The following PARD3B variants were observed in gnomAD, a reference collection of about 807,000 sequenced individuals.
PARD3B encodes the protein par-3 family cell polarity regulator beta.
In PARD3B, 103 loss-of-function variants were observed where a neutral mutation model predicts 130.2. The observed-to-expected ratio is 0.79, with a 90% confidence interval of 0.67 to 0.93. PARD3B has a LOEUF of 0.93. Ranked by LOEUF, PARD3B falls within the 40% of genes least tolerant of loss-of-function variation. The pLI, the probability that PARD3B is intolerant of heterozygous loss-of-function variation, is 0.00. For synonymous variants in PARD3B, 583 were observed against 553.2 expected (o/e 1.05, Z -0.76); for missense variants, 1,609 against 1,499.2 (o/e 1.07, Z -1.21).
chr2:204,749,431 T>C (rs569643254), intron 2 of PARD3B, among the ~76,000 whole-genome samples: 2 of 152,208 alleles, frequency 1.3e-5, no homozygotes, highest in Admixed American at 1.3e-4. Flanking sequence ...ACAATATTAG[T>C]AACTCAAATA....
chr2:204,940,506 A>G (rs1419093350), intron 2 of PARD3B, among the ~76,000 whole-genome samples: 1 of 150,596 alleles, frequency 6.6e-6, no homozygotes, highest in Non-Finnish European at 1.5e-5. Context: ...TTGTTTATCT[A>G]GAAGTTCTGT....
At position 205,440,613 on chromosome 2, in the gene PARD3B, C is replaced by G; in HGVS notation, c.2985C>G (p.His995Gln). Reference sequence around the variant, plus strand: ...ATCCACTGTCTCCAGAAAGAGACCACTTAGAGGGTCTCTATGCCAAGGTCA... The same window carrying G: ...ATCCACTGTCTCCAGAAAGAGACCAGTTAGAGGGTCTCTATGCCAAGGTCA... ...DGHPLSPERD[H>Q]LEGLYAKVNK... The change falls in exon 20 of 23, where the codon CAC (histidine) becomes CAG (glutamine). Residue 995 changes from histidine (H) to glutamine (Q), a missense_variant. Coordinates refer to ENST00000406610, the MANE Select transcript of PARD3B (RefSeq NM_001302769.2). This position sits in a 1 kb window ranked among gnomAD's most constrained non-coding sequence, Gnocchi z 4.2. 1.2e-6 allele frequency: 2 copies of G among 1,613,822 alleles called. No individual in the cohort carries two copies. Among genetic ancestry groups the G allele is most frequent in the Non-Finnish European group, 1.7e-6 (2 of 1,179,818 alleles).
chr2:205,422,507 C>T (rs760522941), intron 19 of PARD3B, among the ~76,000 whole-genome samples: 4 of 152,150 alleles, frequency 2.6e-5, no homozygotes, highest in African/African-American at 9.6e-5. Context: ...AGTATGTTTC[C>T]TTACTGTGGT....
At chr2:205,570,189 C>T (rs903676215) in intron 22 of PARD3B, among the ~76,000 whole-genome samples, 8 of 152,170 alleles carry the variant, frequency 5.3e-5, no homozygotes, top group Admixed American at 1.3e-4. Context: ...TTCAAGGGAC[C>T]CTCAAATTCT....
intron 3 of PARD3B, among the ~76,000 whole-genome samples, chr2:204,990,732 T>G (rs990572968): frequency 6.6e-6 from 1 of 152,202 alleles, no homozygotes; most frequent in African/African-American, 2.4e-5. Flanking sequence ...TTGTTGATTT[T>G]AATAGAGTCA....
At chr2:205,344,427 C>A (rs2043671786) in intron 18 of PARD3B, among the ~76,000 whole-genome samples, 1 of 152,114 alleles carries the variant, frequency 6.6e-6, no homozygotes, top group African/African-American at 2.4e-5. Context: ...GAAATGACTT[C>A]TATGCTTCAG....
chr2:205,114,417 A>G (rs369090218), intron 6 of PARD3B, among the ~76,000 whole-genome samples: 2 of 152,154 alleles, frequency 1.3e-5, no homozygotes, highest in African/African-American at 4.8e-5. Flanking sequence ...GTTTTTCACT[A>G]ACATGACATG....
intron 18 of PARD3B, among the ~76,000 whole-genome samples, chr2:205,318,462 G>A (rs566203845): frequency 7.2e-5 from 11 of 152,154 alleles, no homozygotes; most frequent in Admixed American, 1.3e-4. Flanking sequence ...GACGACTATC[G>A]CACTTTTGGA....
At chr2:204,665,038 TGTG>T (rs2035964605) in intron 1 of PARD3B, among the ~76,000 whole-genome samples, 1 of 152,024 alleles carries the variant, frequency 6.6e-6, no homozygotes, top group South Asian at 2.1e-4. Flanking sequence ...ATGTTAAGAA[TGTG>T]GTGGGGAGTG....
intron 19 of PARD3B, among the ~76,000 whole-genome samples, chr2:205,402,512 A>G (rs189682218): frequency 2.6e-5 from 4 of 152,290 alleles, no homozygotes; most frequent in Admixed American, 2.6e-4. Flanking sequence ...TTTGTAGCTC[A>G]TACTTACTTG....
At chr2:204,704,908 C>T (rs1044149249) in intron 2 of PARD3B, among the ~76,000 whole-genome samples, 2 of 150,244 alleles carry the variant, frequency 1.3e-5, no homozygotes, top group Non-Finnish European at 2.9e-5. Context: ...CACATTTCAT[C>T]ACCAGAGTAC....
At chr2:204,840,151 G>A (rs763992291) in intron 2 of PARD3B, among the ~76,000 whole-genome samples, 2 of 152,076 alleles carry the variant, frequency 1.3e-5, no homozygotes, top group African/African-American at 2.4e-5. Flanking sequence ...AAGTTACTCA[G>A]TAGAAATACT....
At chr2:205,379,805 C>T (rs1339988318) in intron 18 of PARD3B, among the ~76,000 whole-genome samples, 1 of 151,954 alleles carries the variant, frequency 6.6e-6, no homozygotes, top group Non-Finnish European at 1.5e-5. Context: ...TGCAGTGGCT[C>T]ACACTTATAA....
At position 205,144,536 on chromosome 2, in the gene PARD3B, G is replaced by A. The variant is rs144668257; in HGVS notation, c.1435-14186G>A. ...TTCACATTTTAATTTTAATGGATTT[G>A]TCATCTTCTATAAGACCTAAGTGAC... On this transcript the variant is annotated intron_variant, in intron 10 of 22. Coordinates refer to ENST00000406610, the MANE Select transcript of PARD3B (RefSeq NM_001302769.2). 1.8e-3 allele frequency among the ~76,000 whole-genome samples: 278 copies of A among 152,206 alleles called. 1 individual carries two copies. The highest frequency in any genetic ancestry group is 3.2e-3 in the Non-Finnish European group (217 of 68,010).
At chr2:205,381,421 A>C (rs981564029) in intron 18 of PARD3B, among the ~76,000 whole-genome samples, 37 of 151,374 alleles carry the variant, frequency 2.4e-4, no homozygotes, top group African/African-American at 8.7e-4. Flanking sequence ...ATATGTCGTT[A>C]AGTAGTAACT....
At chr2:205,245,582 A>G (rs1307009841) in intron 15 of PARD3B, among the ~76,000 whole-genome samples, 196 bp from the exon 16 acceptor site, 1 of 152,214 alleles carries the variant, frequency 6.6e-6, no homozygotes, top group Non-Finnish European at 1.5e-5. Context: ...ATAAACATAT[A>G]TTTATTCATA....
rs1420979960 is a variant in PARD3B at position 205,160,221 on chromosome 2, A to G, written c.1620+1314A>G. Among the ~76,000 whole-genome samples, 2 of 152,214 alleles carry G rather than the reference A, an allele frequency of 1.3e-5. No homozygotes were observed. Among genetic ancestry groups the G allele is most frequent in the Non-Finnish European group, 2.9e-5 (2 of 68,040 alleles). The stretch of plus-strand genomic sequence containing the variant: ...AATAGTCATAATTTTTCAGTAATAT[A>G]CACATCAATAAGCCTTTATTTTTCT... On this transcript the variant is annotated intron_variant, in intron 11 of 22. Transcript: ENST00000406610. This position sits in a 1 kb window ranked among gnomAD's most constrained non-coding sequence, Gnocchi z 4.0.
In PARD3B at chr2:204,677,292, T is replaced by C. The variant is rs573636985; in HGVS notation, c.121-8889T>C. On this transcript the variant is annotated intron_variant, in intron 1 of 22. Coordinates refer to ENST00000406610, the MANE Select transcript of PARD3B (RefSeq NM_001302769.2). The surrounding 1 kb of genome is among the most constrained non-coding windows in gnomAD (Gnocchi z 4.1). ...AAGTCTAGATTAAAAACAGGTAGCA[T>C]TGGCCTTATTCAGAGGACGTATGTT... 4.6e-5 allele frequency among the ~76,000 whole-genome samples: 7 copies of C among 152,300 alleles called. No homozygotes were observed. Among genetic ancestry groups the C allele is most frequent in the Admixed American group, 2.0e-4 (3 of 15,300 alleles).
At chr2:204,674,977 TATAATG>T (rs970355665) in intron 1 of PARD3B, among the ~76,000 whole-genome samples, 18 of 152,330 alleles carry the variant, frequency 1.2e-4, no homozygotes, top group African/African-American at 4.1e-4. Flanking sequence ...TTTAGGGCTT[TATAATG>T]GAAGAATTAT....
Sources: allele counts gnomAD v4.1 joint callset (sites outside exome capture counted in the v4.1 genomes callset), GRCh38; gene constraint gnomAD v4.1.1; non-coding constraint Gnocchi (gnomAD v3.1); transcripts MANE v1.5; gene names NCBI Gene and HGNC (gene_info 2026-07-23, HGNC 2026-07-21).